The following CDH18 variants were observed in gnomAD, a reference collection of about 807,000 sequenced individuals.
CDH18 encodes the protein cadherin 18, also known as cadherin-18.
In CDH18, 31 loss-of-function variants were observed where a neutral mutation model predicts 67.9. The ratio of observed to expected loss-of-function variants is 0.46; its 90% CI spans 0.34 to 0.62. The LOEUF (loss-of-function observed/expected upper bound fraction) is 0.62, where lower values mean the gene tolerates loss of function less well. Ranked by LOEUF, CDH18 falls within the 20% of genes least tolerant of loss-of-function variation. The pLI is 0.01. For synonymous variants in CDH18, 362 were observed against 347.2 expected, an observed-to-expected ratio of 1.04 and a Z score of -0.48; for missense variants, 890 against 975.5, an observed-to-expected ratio of 0.91 and a Z score of 1.17.
intron 1 of CDH18, among the ~76,000 whole-genome samples, chr5:20,397,531 C>T (rs1240618224): frequency 4.6e-5 from 7 of 152,178 alleles, no homozygotes; most frequent in South Asian, 4.1e-4. Flanking sequence ...TTCTTATAAA[C>T]GTCTAGTCCT....
At chr5:19,762,919 T>C (rs1233586191) in intron 3 of CDH18, among the ~76,000 whole-genome samples, 4 of 152,056 alleles carry the variant, frequency 2.6e-5, no homozygotes, top group African/African-American at 9.7e-5. Flanking sequence ...TATGCAACCA[T>C]AAAAAAGGAT....
At chr5:19,799,947 AT>A (rs1409383154) in intron 3 of CDH18, among the ~76,000 whole-genome samples, 3 of 152,030 alleles carry the variant, frequency 2.0e-5, no homozygotes, top group Admixed American at 1.3e-4. Flanking sequence ...CAAGCTTTAT[AT>A]TTTTTTCTTC....
intron 2 of CDH18, among the ~76,000 whole-genome samples, chr5:19,993,906 C>T (rs1229507458): frequency 6.6e-6 from 1 of 152,090 alleles, no homozygotes; most frequent in East Asian, 1.9e-4. Context: ...GTTCCAGATA[C>T]TGTGCCCTTA....
chr5:20,265,680 T>C (rs904035608), intron 1 of CDH18, among the ~76,000 whole-genome samples: 11 of 152,216 alleles, frequency 7.2e-5, no homozygotes, highest in Non-Finnish European at 1.2e-4. Context: ...AATATAAATA[T>C]TTTATGCCTG....
rs4866190 is a variant in CDH18 at position 20,446,269 on chromosome 5, A to G, written c.-580+129193T>C. ...CACAGACTTTACCACAAATTCCATC[A>G]GAGTAGAGTCAGGGCAGTCTTGGGG... On this transcript the variant is annotated intron_variant, in intron 1 of 14. Coordinates refer to the CDH18 transcript ENST00000507958. 6.6e-5 allele frequency among the ~76,000 whole-genome samples: 10 copies of G among 152,034 alleles called. 1 individual carries two copies. The highest frequency in any genetic ancestry group is 2.1e-4 in the South Asian group (1 of 4,804).
chr5:19,839,669 C>A (rs764545387), intron 2 of CDH18, among the ~76,000 whole-genome samples: 2 of 151,948 alleles, frequency 1.3e-5, no homozygotes, highest in Non-Finnish European at 2.9e-5. Context: ...TGGCTGAAAA[C>A]AAAAAGAATG....
chr5:19,599,841 C>A (rs768450838), intron 6 of CDH18, among the ~76,000 whole-genome samples: 2 of 151,978 alleles, frequency 1.3e-5, no homozygotes, highest in Non-Finnish European at 2.9e-5. Flanking sequence ...GAGCCGAGAT[C>A]GCACCACTGC....
At chr5:20,516,918 T>G (rs1290616949) in intron 1 of CDH18, among the ~76,000 whole-genome samples, 1 of 151,962 alleles carries the variant, frequency 6.6e-6, no homozygotes, top group Admixed American at 6.6e-5. Flanking sequence ...GTGTGATGAT[T>G]CTTTTTCTAG....
Position 20,271,636 on chromosome 5 carries a change from C to A in CDH18, c.-579-16131G>T, listed in dbSNP as rs188067128. 3.3e-5 allele frequency among the ~76,000 whole-genome samples: 5 copies of A among 152,088 alleles called. No homozygotes were observed. In the East Asian group the frequency reaches 9.7e-4, roughly 29 times the overall value. On this transcript the variant is annotated intron_variant, in intron 1 of 14. Transcript: ENST00000507958. ...ATATACACACACACCACACACGTCA[C>A]ACACACTCAAACACACAGGAAGAGC...
chr5:20,177,119 A>G (rs960039236), intron 2 of CDH18, among the ~76,000 whole-genome samples: 4 of 152,272 alleles, frequency 2.6e-5, no homozygotes, highest in South Asian at 2.1e-4. Flanking sequence ...GATGAATAAT[A>G]TTTGACTTGT....
At chr5:20,013,662 T>C (rs915127717) in intron 2 of CDH18, among the ~76,000 whole-genome samples, 1 of 152,126 alleles carries the variant, frequency 6.6e-6, no homozygotes, top group Non-Finnish European at 1.5e-5. Context: ...TTTAGATGTA[T>C]ACATTTCAAA....
In CDH18 at chr5:20,263,300, A is replaced by C. The variant is rs571451597; in HGVS notation, c.-579-7795T>G. 3.3e-5 allele frequency among the ~76,000 whole-genome samples: 5 copies of C among 152,204 alleles called. No individual in the cohort carries two copies. The South Asian group carries it at 1.0e-3, about 32-fold the overall frequency. ...TAGTTTTTATTTGCGTAGTGTCAGA[A>C]AAAAAAATGTGATTGCTTAAAGTTG... On this transcript the variant is annotated intron_variant, in intron 1 of 14. Transcript: ENST00000507958.
intron 3 of CDH18, among the ~76,000 whole-genome samples, chr5:19,802,043 C>T (rs2149852444): frequency 6.6e-6 from 1 of 152,176 alleles, no homozygotes; most frequent in Non-Finnish European, 1.5e-5. Flanking sequence ...GACAATCCTA[C>T]ATTAAAAAGT....
chr5:19,930,020 T>A (rs1014038347), intron 2 of CDH18, among the ~76,000 whole-genome samples: 27 of 152,004 alleles, frequency 1.8e-4, no homozygotes, highest in African/African-American at 6.5e-4. Flanking sequence ...AAGATAAGAA[T>A]GGCAGCTAAC....
At chr5:19,958,040 C>A (rs975102215) in intron 2 of CDH18, among the ~76,000 whole-genome samples, 1 of 151,786 alleles carries the variant, frequency 6.6e-6, no homozygotes, top group Non-Finnish European at 1.5e-5. Context: ...AATAAACTAC[C>A]ATTTTCACCT....
intron 2 of CDH18, among the ~76,000 whole-genome samples, chr5:20,031,492 C>T (rs765877939): frequency 1.3e-5 from 2 of 151,974 alleles, no homozygotes; most frequent in Non-Finnish European, 2.9e-5. Context: ...TGGCAAACTA[C>T]CTCACTTACA....
chr5:20,409,465 T>C (rs1335262670), intron 1 of CDH18, among the ~76,000 whole-genome samples: 1 of 151,384 alleles, frequency 6.6e-6, no homozygotes, highest in Non-Finnish European at 1.5e-5. Context: ...ATTGCTTTGA[T>C]AACAATTTTT....
At chr5:20,535,543 A>G (rs867709506) in intron 1 of CDH18, among the ~76,000 whole-genome samples, 3 of 152,120 alleles carry the variant, frequency 2.0e-5, no homozygotes, top group Non-Finnish European at 4.4e-5. Flanking sequence ...CTATACCAGG[A>G]ATCACACCTT....
In CDH18 at chr5:20,462,805, G is replaced by C. The variant is rs186466937; in HGVS notation, c.-580+112657C>G. Among the ~76,000 whole-genome samples the C allele has an allele frequency of 2.7e-3, 418 of 152,232 alleles. 2 individuals carry two copies. Among genetic ancestry groups the C allele is most frequent in the African/African-American group, 9.6e-3 (400 of 41,572 alleles). ...GAGATAGAAGAAGGGCAAATGACTT[G>C]TCCAACTAAAAGTGTGTAGAAAAGA... On this transcript the variant is annotated intron_variant, in intron 1 of 14. Coordinates refer to the CDH18 transcript ENST00000507958.
Sources: allele counts gnomAD v4.1 joint callset (sites outside exome capture counted in the v4.1 genomes callset), GRCh38; gene constraint gnomAD v4.1.1; transcripts MANE v1.5; gene names NCBI Gene and HGNC (gene_info 2026-07-23, HGNC 2026-07-21).